The following GALK2 variants were observed in gnomAD, a reference collection of about 807,000 sequenced individuals.
The protein encoded by GALK2 is N-acetylgalactosamine kinase.
A neutral mutation model predicts 52.4 loss-of-function variants in GALK2; 36 were observed. The ratio of observed to expected loss-of-function variants is 0.69; its 90% CI spans 0.53 to 0.91. The LOEUF is 0.91. Among genes scored for constraint, GALK2 ranks in the 40% least tolerant of loss-of-function variants. The probability of loss-of-function intolerance (pLI) is 0.00; values close to 1 mark genes in which losing one functional copy is unlikely to be tolerated. For missense variants in GALK2, 579 were observed against 559.1 expected (o/e 1.04, Z -0.36); for synonymous variants, 176 against 199.1 (o/e 0.88, Z 0.98).
Position 49,357,835 on chromosome 15 carries a change from T to G in GALK2, c.427-9656T>G, listed in dbSNP as rs553056457. 9.2e-5 allele frequency among the ~76,000 whole-genome samples: 14 copies of G among 152,200 alleles called. 2 individuals are homozygous for G. The South Asian group carries it at 2.7e-3, about 29-fold the overall frequency. On this transcript the variant is annotated intron_variant, in intron 3 of 3. Transcript: ENST00000558399. ...TTGATGAACATTGATGCAAAAATCC[T>G]CAATAAAATACTGGCAAAACAAATC...
chr15:49,328,409 C>T lies in GALK2; in HGVS notation c.*250C>T. ...GGACAGATCTTTTAAGAATAACTTACTGAGATTTATTGATTTGAAGATTTT... is the reference window on the plus strand; with the variant it reads ...GGACAGATCTTTTAAGAATAACTTATTGAGATTTATTGATTTGAAGATTTT... On this transcript the variant is annotated 3_prime_UTR_variant, in exon 10 of 10. Transcript: ENST00000560031. 7.0e-7 allele frequency: 1 copy of T among 1,431,210 alleles called. No homozygotes were observed. 88.7% of individuals were successfully genotyped at this position (1,431,210 alleles called of 1,614,324 possible).
intron 5 of GALK2, among the ~76,000 whole-genome samples, chr15:49,258,786 A>ATG (rs1347227226): frequency 1.1e-4 from 12 of 109,714 alleles, no homozygotes; most frequent in African/African-American, 5.2e-4. Flanking sequence ...GCATATATAT[A>ATG]TATATATATG....
intron 2 of GALK2, among the ~76,000 whole-genome samples, chr15:49,212,902 T>C (rs971158944): frequency 6.6e-5 from 10 of 152,220 alleles, no homozygotes; most frequent in African/African-American, 2.4e-4. Flanking sequence ...TTTTGAGACT[T>C]GTTTTGTGGT....
At position 49,195,195 on chromosome 15, in the gene GALK2, C is replaced by T. The variant is rs535295613; in HGVS notation, c.54-5967C>T. ...GAAGTGATTCTCCTGCCTCCGCCTC[C>T]GGAGTAGCTGGGATTACAGGTGCGT... On this transcript the variant is annotated intron_variant, in intron 1 of 9. Transcript: ENST00000560031. 15 of 423,802 alleles carry T rather than the reference C, an allele frequency of 3.5e-5. No individual in the cohort carries two copies. The East Asian group carries it at 5.7e-4, about 16-fold the overall frequency. The allele number at this position is 423,802 out of a possible 1,614,324, so 26.3% of individuals were successfully genotyped here.
At position 49,176,195 on chromosome 15, in the gene GALK2, A is replaced by C. The variant is rs2085444714; in HGVS notation, c.53+5820A>C. On this transcript the variant is annotated intron_variant, in intron 1 of 9. Transcript: ENST00000560031. ...CATGTGCCAGGGGGCAATCATTTAA[A>C]GACCTTTTGTTCCTGACTTCCCCTG... is the stretch of plus-strand genomic sequence containing the variant. Among the ~76,000 whole-genome samples the C allele has an allele frequency of 2.0e-5, 3 of 152,264 alleles. No individual in the cohort carries two copies. In the South Asian group the frequency reaches 6.2e-4, roughly 31 times the overall value.
chr15:49,189,454 T>A (rs2086576168), intron 1 of GALK2, among the ~76,000 whole-genome samples: 1 of 152,150 alleles, frequency 6.6e-6, no homozygotes, highest in African/African-American at 2.4e-5. Context: ...AAACCACAGA[T>A]AGTACCGAAT....
chr15:49,342,123 G>C (rs2040830330), intron 3 of GALK2, among the ~76,000 whole-genome samples: 1 of 152,162 alleles, frequency 6.6e-6, no homozygotes, highest in Non-Finnish European at 1.5e-5. Context: ...TATGTTGTCA[G>C]TACGGTGTTG....
intron 3 of GALK2, among the ~76,000 whole-genome samples, chr15:49,221,492 C>T (rs1349439390): frequency 1.3e-5 from 2 of 151,772 alleles, no homozygotes; most frequent in Non-Finnish European, 2.9e-5. Flanking sequence ...ATGATGAAGC[C>T]CTGTCTCTAT....
intron 5 of GALK2, among the ~76,000 whole-genome samples, chr15:49,264,134 A>G (rs896377547): frequency 6.6e-6 from 1 of 151,340 alleles, no homozygotes; most frequent in Non-Finnish European, 1.5e-5. Context: ...TAGATTGGGG[A>G]AGTTCTCCTG....
intron 8 of GALK2, among the ~76,000 whole-genome samples, chr15:49,300,621 T>C (rs574991960): frequency 6.6e-6 from 1 of 152,242 alleles, no homozygotes; most frequent in East Asian, 1.9e-4. Flanking sequence ...TGGGAGGTAA[T>C]TGAATCACGG....
chr15:49,273,757 A>G (rs2141704869), intron 5 of GALK2, among the ~76,000 whole-genome samples: 1 of 152,296 alleles, frequency 6.6e-6, no homozygotes, highest in South Asian at 2.1e-4. Context: ...CCCAGGTAAT[A>G]ACCTAGAAAT....
chr15:49,239,965 A>G (rs537403635), intron 5 of GALK2, among the ~76,000 whole-genome samples: 2 of 152,348 alleles, frequency 1.3e-5, no homozygotes, highest in African/African-American at 4.8e-5. Flanking sequence ...TTCTGGTTCA[A>G]ATAAAATGTT....
At chr15:49,284,183 G>C (rs1045230687) in intron 7 of GALK2, among the ~76,000 whole-genome samples, 1 of 152,116 alleles carries the variant, frequency 6.6e-6, no homozygotes, top group Admixed American at 6.5e-5. Flanking sequence ...ATGTCTACTA[G>C]GGAAACACAA....
intron 2 of GALK2, among the ~76,000 whole-genome samples, chr15:49,215,482 A>G (rs540404677): frequency 4.1e-4 from 63 of 152,058 alleles, no homozygotes; most frequent in Middle Eastern, 6.8e-3. Context: ...CAGGTTCACT[A>G]TTTATTTTTC....
rs937049488 is a variant in GALK2 at position 49,349,443 on chromosome 15, C to T, written c.427-18048C>T. Among the ~76,000 whole-genome samples the T allele has an allele frequency of 8.5e-5, 13 of 152,262 alleles. No individual in the cohort carries two copies. In the East Asian group the frequency reaches 2.3e-3, roughly 27 times the overall value. ...CAAAAATAAAATAAAATGTCTTTCTCTAAGAGCAAAATTTAAATACTTGAT... is the reference window on the plus strand; with the variant it reads ...CAAAAATAAAATAAAATGTCTTTCTTTAAGAGCAAAATTTAAATACTTGAT... On this transcript the variant is annotated intron_variant, in intron 3 of 3. Coordinates refer to the GALK2 transcript ENST00000558399.
chr15:49,308,336 A>G (rs2035714123), intron 8 of GALK2, among the ~76,000 whole-genome samples: 1 of 152,210 alleles, frequency 6.6e-6, no homozygotes, highest in Admixed American at 6.5e-5. Context: ...ATGATTGTGC[A>G]TAGCCAGCTA....
At chr15:49,183,618 C>A (rs1017916780) in intron 1 of GALK2, among the ~76,000 whole-genome samples, 1 of 151,948 alleles carries the variant, frequency 6.6e-6, no homozygotes, top group African/African-American at 2.4e-5. Flanking sequence ...CCAAGGCGGG[C>A]GGATCACTTG....
rs555913088 is a variant in GALK2, at chr15:49,270,228, A to C, written c.505-11759A>C. Among the ~76,000 whole-genome samples the C allele has an allele frequency of 2.6e-5, 4 of 152,344 alleles. No individual in the cohort carries two copies. In the South Asian group the frequency reaches 8.3e-4, roughly 32 times the overall value. ...AAAACTAGGACAAAAGAAAAGAATA[A>C]AAACATACCAACTCTTAATTACTTA... is the stretch of plus-strand genomic sequence containing the variant. On this transcript the variant is annotated intron_variant, in intron 5 of 9. Transcript: ENST00000560031.
chr15:49,194,014 C>G (rs1316098006), intron 1 of GALK2: 1 of 152,116 alleles, frequency 6.6e-6, no homozygotes, highest in Non-Finnish European at 1.5e-5. Flanking sequence ...GTGTGATGTA[C>G]TAGCATTCTT....
Sources: gnomAD v4.1 joint callset for allele counts (sites outside exome capture counted in the v4.1 genomes callset) on GRCh38, gnomAD v4.1.1 for gene constraint, MANE v1.5 for transcripts, NCBI Gene and HGNC (gene_info 2026-07-23, HGNC 2026-07-21) for gene names.